The following DCTN6 variants were observed in gnomAD, a reference collection of about 807,000 sequenced individuals.
DCTN6 encodes dynactin subunit 6.
Under a neutral mutation model 25.8 loss-of-function variants are expected in DCTN6, and 15 were observed. The ratio of observed to expected loss-of-function variants is 0.58; its 90% CI spans 0.39 to 0.89. The LOEUF is 0.89. DCTN6 is among the 40% of genes least tolerant of loss of function. DCTN6 has a pLI of 0.00. For synonymous variants in DCTN6, 64 were observed against 78.3 expected (o/e 0.82, Z 0.96); for missense variants, 198 against 237.6 (o/e 0.83, Z 1.09).
chr8:30,180,789 T>A, intron 6 of DCTN6, 159 bp downstream of exon 6: 1 of 908,950 alleles, frequency 1.1e-6, no homozygotes, highest in Non-Finnish European at 1.6e-6. Flanking sequence ...TCTAGCACTT[T>A]GGGAGGCCGA....
intron 4 of DCTN6, 92 bp from the exon 5 acceptor site, chr8:30,179,316 G>A: frequency 9.5e-7 from 1 of 1,051,264 alleles, no homozygotes; most frequent in Non-Finnish European, 1.4e-6. Flanking sequence ...TGACACCCCT[G>A]TCCTCTGTCC....
intron 6 of DCTN6, among the ~76,000 whole-genome samples, chr8:30,181,654 C>T (rs769230642): frequency 3.9e-5 from 6 of 152,024 alleles, no homozygotes; most frequent in African/African-American, 4.8e-5. Flanking sequence ...GAGGCCAAGG[C>T]GGGCGGATCA....
chr8:30,179,119 A>C (rs10954911), intron 4 of DCTN6, among the ~76,000 whole-genome samples: 9,429 of 152,302 alleles, frequency 0.062, 438 homozygotes, highest in East Asian at 0.27. Context: ...GGTGATGGAT[A>C]GTTTTAATTA....
rs1265531822 is a variant in DCTN6 at position 30,179,421 on chromosome 8, G to T, written c.297G>T (p.Met99Ile). Reference sequence around the variant, plus strand: ...TCTGGCTTACAGATTCCCAAGCCATGAAGATGGGAGATAATAATGTCATTG... The same window carrying T: ...TCTGGCTTACAGATTCCCAAGCCATTAAGATGGGAGATAATAATGTCATTG... The part of the protein sequence containing the change: ...VFEVGCYSQA[M>I]KMGDNNVIES... The change falls in exon 5 of 7, where the codon ATG becomes ATT. Residue 99 changes from methionine (M) to isoleucine (I), a missense_variant. Met to Ile is a conservative substitution (Grantham distance 10). Transcript: ENST00000221114. The T allele has an allele frequency of 1.9e-6, 3 of 1,612,400 alleles. No homozygotes were observed. In the African/African-American group the frequency reaches 4.0e-5, roughly 22 times the overall value.
At chr8:30,172,175 C>T (rs1353507829) in intron 2 of DCTN6, among the ~76,000 whole-genome samples, 8 of 152,114 alleles carry the variant, frequency 5.3e-5, no homozygotes, top group African/African-American at 1.9e-4. Flanking sequence ...TTTAGGATCA[C>T]AGCCCCGAAA....
At chr8:30,162,221 C>T (rs1803607291) in intron 1 of DCTN6, among the ~76,000 whole-genome samples, 1 of 152,100 alleles carries the variant, frequency 6.6e-6, no homozygotes, top group Non-Finnish European at 1.5e-5. Context: ...TCCCCAGTAG[C>T]TGGGACTACA....
At chr8:30,156,980 G>T (rs998028627) in intron 1 of DCTN6, among the ~76,000 whole-genome samples, 3 of 152,158 alleles carry the variant, frequency 2.0e-5, no homozygotes, top group African/African-American at 7.2e-5. Context: ...GAGTACTTGC[G>T]CAGATTTGTT....
chr8:30,176,006 C>A (rs1803827453), intron 3 of DCTN6, among the ~76,000 whole-genome samples: 2 of 152,194 alleles, frequency 1.3e-5, no homozygotes. Context: ...TTAAAAATGG[C>A]GTCCACCTCT....
In DCTN6 at chr8:30,175,173, G is replaced by A; in HGVS notation, c.177G>A (p.Gln59=). Residue 59 remains glutamine, a synonymous_variant, in exon 3 of 7, where the codon CAG becomes CAA. Transcript: ENST00000221114. Reference sequence around the variant, plus strand: ...GCGAAGGGAACCTAATAGAAGAACAGGCCCTTATCATAAATGCGTAAGACT... The same window carrying A: ...GCGAAGGGAACCTAATAGAAGAACAAGCCCTTATCATAAATGCGTAAGACT... ...VIGEGNLIEE[Q]ALIINAYPDN... is the part of the protein sequence containing the mutation. 2 of 1,613,944 alleles carry A rather than the reference G, an allele frequency of 1.2e-6. No homozygotes were observed. Among genetic ancestry groups the A allele is most frequent in the South Asian group, 1.1e-5 (1 of 91,054 alleles).
intron 1 of DCTN6, among the ~76,000 whole-genome samples, chr8:30,158,138 A>G (rs1475713510): frequency 6.6e-6 from 1 of 152,166 alleles, no homozygotes; most frequent in Middle Eastern, 3.2e-3. Context: ...TGACGCAAGC[A>G]TTACCTGGGA....
At chr8:30,161,607 A>C (rs1388450792) in intron 1 of DCTN6, among the ~76,000 whole-genome samples, 11 of 151,946 alleles carry the variant, frequency 7.2e-5, no homozygotes. Flanking sequence ...CTTTCTCTTC[A>C]TGATTTTTGT....
At chr8:30,173,004 T>C (rs993137161) in intron 2 of DCTN6, among the ~76,000 whole-genome samples, 2 of 152,238 alleles carry the variant, frequency 1.3e-5, no homozygotes, top group Non-Finnish European at 2.9e-5. Flanking sequence ...CATCCCATCT[T>C]CCATCCTGAA....
chr8:30,156,773 GC>G (rs978454805), intron 1 of DCTN6, among the ~76,000 whole-genome samples: 4 of 152,184 alleles, frequency 2.6e-5, no homozygotes, highest in African/African-American at 9.6e-5. Context: ...GGTGCTTGGC[GC>G]CGCTGTACCC....
At chr8:30,156,557 A>T in intron 1 of DCTN6, 151 bp downstream of exon 1, 1 of 767,190 alleles carries the variant, frequency 1.3e-6, no homozygotes, top group Non-Finnish European at 2.1e-6. Flanking sequence ...CCACTGAGGG[A>T]GGGGGCGACG....
At chr8:30,178,369 A>G (rs1803870355) in intron 4 of DCTN6, among the ~76,000 whole-genome samples, 1 of 151,970 alleles carries the variant, frequency 6.6e-6, no homozygotes, top group South Asian at 2.1e-4. Context: ...AGGCTGAGGC[A>G]GGAGAATCAC....
chr8:30,160,603 C>T (rs1207968147), intron 1 of DCTN6, among the ~76,000 whole-genome samples: 1 of 152,116 alleles, frequency 6.6e-6, no homozygotes. Flanking sequence ...ATCCATGGAT[C>T]CAACCAACCT....
rs779251461 is a variant in DCTN6 at position 30,156,389 on chromosome 8, G to A, written c.6G>A (p.Ala2=). Residue 2 remains alanine (A), a synonymous_variant, in exon 1 of 7, where the codon GCG becomes GCA. Transcript: ENST00000221114. M[A]EKTQKSVKIA... is the part of the protein sequence containing the mutation. ...GTTCCAATTGGGGCCGTACCATGGCGGAGAAGACTCAAAAGAGGTGGGTTT... is the reference window on the plus strand; with the variant it reads ...GTTCCAATTGGGGCCGTACCATGGCAGAGAAGACTCAAAAGAGGTGGGTTT... 6.2e-7 allele frequency: 1 copy of A among 1,605,972 alleles called. No individual in the cohort carries two copies. Among genetic ancestry groups the A allele is most frequent in the South Asian group, 1.1e-5 (1 of 89,382 alleles).
intron 2 of DCTN6, 114 bp downstream of exon 2, chr8:30,164,289 TG>T: frequency 1.2e-6 from 1 of 837,884 alleles, no homozygotes; most frequent in Non-Finnish European, 1.9e-6. Context: ...CTAGTTTTAT[TG>T]ACAAAATAAT....
At position 30,175,155 on chromosome 8, in the gene DCTN6, G is replaced by T; in HGVS notation, c.159G>T (p.Gly53=). ...CCGGGCCAATAGTGATTGGCGAAGG[G>T]AACCTAATAGAAGAACAGGCCCTTA... is the stretch of plus-strand genomic sequence containing the variant. ...AEAGPIVIGE[G]NLIEEQALII... is the part of the protein sequence containing the mutation. Residue 53 remains glycine (G), a synonymous_variant, in exon 3 of 7, where the codon GGG becomes GGT. Coordinates refer to ENST00000221114, the MANE Select transcript of DCTN6 (RefSeq NM_006571.4). 1.2e-6 allele frequency: 2 copies of T among 1,614,036 alleles called. No individual in the cohort carries two copies. The highest frequency in any genetic ancestry group is 1.7e-5 in the Admixed American group (1 of 60,008).
Sources: gnomAD v4.1 joint callset for allele counts (sites outside exome capture counted in the v4.1 genomes callset) on GRCh38, gnomAD v4.1.1 for gene constraint, MANE v1.5 for transcripts, NCBI Gene and HGNC (gene_info 2026-07-23, HGNC 2026-07-21) for gene names.